Variants in PAX2 observed in about 807,000 individuals in gnomAD.
PAX2 encodes paired box 2, also known as paired box protein Pax-2.
Under a neutral mutation model 41.7 loss-of-function variants are expected in PAX2, and 9 were observed. That is an observed-to-expected ratio of 0.22 (90% CI 0.13 to 0.38). The LOEUF (loss-of-function observed/expected upper bound fraction) is 0.38. Among genes scored for constraint, PAX2 ranks in the 10% least tolerant of loss-of-function variants. The pLI is 1.00. For missense variants in PAX2, 418 were observed against 531.6 expected (o/e 0.79, Z 2.10); for synonymous variants, 221 against 212.7 (o/e 1.04, Z -0.34).
At chr10:100,759,528 G>A (rs867381681) in intron 3 of PAX2, among the ~76,000 whole-genome samples, 1 of 152,152 alleles carries the variant, frequency 6.6e-6, no homozygotes, top group African/African-American at 2.4e-5. Flanking sequence ...GCAGATTCGA[G>A]AGCCATCTCC....
rs1329614747 is a variant in PAX2 at position 100,748,880 on chromosome 10, G to C, written c.44-866G>C. ...CGAGAGTTATTAACTCGCCAGCGAGGCCTATGCCGTGCCACCTGGGCGAGA... is the reference window on the plus strand; with the variant it reads ...CGAGAGTTATTAACTCGCCAGCGAGCCCTATGCCGTGCCACCTGGGCGAGA... On this transcript the variant is annotated intron_variant, in intron 1 of 9. Coordinates refer to ENST00000355243, the MANE Select transcript of PAX2 (RefSeq NM_000278.5). The surrounding 1 kb of genome is among the most constrained non-coding windows in gnomAD (Gnocchi z 5.0). 3 of 985,304 alleles carry C rather than the reference G, an allele frequency of 3.0e-6. No individual in the cohort carries two copies. In the African/African-American group the frequency reaches 5.2e-5, roughly 17 times the overall value. The allele number at this position is 985,304 out of a possible 1,614,324, so 61.0% of individuals were successfully genotyped here.
chr10:100,764,349 A>G (rs1218354398), intron 3 of PAX2, among the ~76,000 whole-genome samples: 1 of 152,034 alleles, frequency 6.6e-6, no homozygotes, highest in Non-Finnish European at 1.5e-5. Context: ...TTCACCTGTT[A>G]GCCAGGATGG....
rs1382485114 is a variant in PAX2 at position 100,826,413 on chromosome 10, G to A, written c.1022-596G>A. Among the ~76,000 whole-genome samples, 1 of 152,212 alleles carries A rather than the reference G, an allele frequency of 6.6e-6. No individual in the cohort carries two copies. The highest frequency in any genetic ancestry group is 1.5e-5 in the Non-Finnish European group (1 of 68,030). ...ACGGGCCCTCCGCTCACCGCTAGCG[G>A]ACCAGCGGGCAGTCCACCTGCGCCG... On this transcript the variant is annotated intron_variant, in intron 8 of 9. Coordinates refer to ENST00000355243, the MANE Select transcript of PAX2 (RefSeq NM_000278.5). The surrounding 1 kb of genome is among the most constrained non-coding windows in gnomAD (Gnocchi z 5.5).
At chr10:100,753,450 A>G (rs867145680) in intron 3 of PAX2, among the ~76,000 whole-genome samples, 2 of 152,348 alleles carry the variant, frequency 1.3e-5, no homozygotes, top group South Asian at 2.1e-4. Flanking sequence ...AGTGCTGGTT[A>G]TATCAGAAAC....
At position 100,791,806 on chromosome 10, in the gene PAX2, G is replaced by T. The variant is rs999507512; in HGVS notation, c.616+10441G>T. The stretch of plus-strand genomic sequence containing the variant: ...TCACCTGCCATCTCCATCTCTTTAG[G>T]CAGAGTGCCCAGCATGAGCCCTTGG... On this transcript the variant is annotated intron_variant, in intron 5 of 9. Transcript: ENST00000355243. This position sits in a 1 kb window ranked among gnomAD's most constrained non-coding sequence, Gnocchi z 4.5. 6.6e-6 allele frequency among the ~76,000 whole-genome samples: 1 copy of T among 152,162 alleles called. No individual in the cohort carries two copies.
Position 100,778,084 on chromosome 10 carries a change from C to T in PAX2, c.411-1414C>T, listed in dbSNP as rs77071380. Among the ~76,000 whole-genome samples the T allele has an allele frequency of 4.2e-3, 642 of 152,248 alleles. 7 individuals carry two copies. The highest frequency in any genetic ancestry group is 0.016 in the East Asian group (84 of 5,168). ...TACTGGGGAAAGAGACAGTGGAGAT[C>T]CTGTAGTCCAACCCCTTCATTTAAA... On this transcript the variant is annotated intron_variant, in intron 3 of 9. Transcript: ENST00000355243.
chr10:100,795,321 A>G (rs1264430611), intron 5 of PAX2, among the ~76,000 whole-genome samples: 1 of 152,210 alleles, frequency 6.6e-6, no homozygotes, highest in African/African-American at 2.4e-5. Context: ...ACCTCAAGAA[A>G]CTTACAATCT....
intron 4 of PAX2, 94 bp downstream of exon 4, chr10:100,779,677 G>A (rs1564722692): frequency 1.0e-6 from 1 of 962,652 alleles, no homozygotes; most frequent in Non-Finnish European, 1.6e-6. Flanking sequence ...GCCCGCTTGA[G>A]GTCCAGAGCC....
intron 7 of PAX2, among the ~76,000 whole-genome samples, chr10:100,813,676 T>C (rs918822360): frequency 5.3e-5 from 8 of 152,170 alleles, no homozygotes; most frequent in Non-Finnish European, 1.2e-4. Context: ...CCATGAGACA[T>C]GGAGACGCCA....
chr10:100,819,681 G>A (rs956606749), intron 7 of PAX2, among the ~76,000 whole-genome samples: 47 of 152,202 alleles, frequency 3.1e-4, no homozygotes, highest in Admixed American at 3.0e-3. Context: ...CATATAGAAG[G>A]TGCTCAATGA....
Position 100,791,684 on chromosome 10 carries a change from G to A in PAX2, c.616+10319G>A, listed in dbSNP as rs1449491152. Among the ~76,000 whole-genome samples, 9 of 152,280 alleles carry A rather than the reference G, an allele frequency of 5.9e-5. No individual in the cohort carries two copies. The highest frequency in any genetic ancestry group is 2.2e-4 in the African/African-American group (9 of 41,564). Reference sequence around the variant, plus strand: ...TTGCTGGCTCACACAGATCTCCCTCGGCCCAGGCAGCCTGGGAAGCCTGGG... The same window carrying A: ...TTGCTGGCTCACACAGATCTCCCTCAGCCCAGGCAGCCTGGGAAGCCTGGG... On this transcript the variant is annotated intron_variant, in intron 5 of 9. Transcript: ENST00000355243. The surrounding 1 kb of genome is among the most constrained non-coding windows in gnomAD (Gnocchi z 4.5).
chr10:100,807,894 C>T (rs965734811), intron 6 of PAX2, among the ~76,000 whole-genome samples: 4 of 152,248 alleles, frequency 2.6e-5, no homozygotes, highest in East Asian at 3.8e-4. Flanking sequence ...CCTTTCTCCC[C>T]GCCCGTCCTT....
chr10:100,762,630 G>T (rs1458209616), intron 3 of PAX2, among the ~76,000 whole-genome samples: 2 of 152,144 alleles, frequency 1.3e-5, no homozygotes. Flanking sequence ...CTGAAAGATA[G>T]CTATGCTGCT....
chr10:100,783,149 G>A (rs1162577677), intron 5 of PAX2, among the ~76,000 whole-genome samples: 2 of 152,254 alleles, frequency 1.3e-5, no homozygotes, highest in East Asian at 1.9e-4. Context: ...CCAGAACAGG[G>A]CGCTCTCCTG....
At chr10:100,784,813 G>A (rs574040910) in intron 5 of PAX2, among the ~76,000 whole-genome samples, 4 of 152,304 alleles carry the variant, frequency 2.6e-5, no homozygotes, top group African/African-American at 9.6e-5. Context: ...GGAAAAACTG[G>A]CAGTGACTGT....
chr10:100,802,592 A>C (rs936581039), intron 5 of PAX2, among the ~76,000 whole-genome samples: 1 of 152,328 alleles, frequency 6.6e-6, no homozygotes, highest in East Asian at 1.9e-4. Flanking sequence ...TCAGATGGCC[A>C]GTCCCAAAAC....
rs532383208 is a variant in PAX2 at position 100,824,501 on chromosome 10, T to G, written c.920-147T>G. 121 of 719,746 alleles carry G rather than the reference T, an allele frequency of 1.7e-4. No individual in the cohort carries two copies. The highest frequency in any genetic ancestry group is 2.9e-4 in the Non-Finnish European group (113 of 394,594). 44.6% of individuals were successfully genotyped at this position (719,746 alleles called of 1,614,324 possible). On this transcript the variant is annotated intron_variant, in intron 7 of 9. Coordinates refer to ENST00000355243, the MANE Select transcript of PAX2 (RefSeq NM_000278.5). The surrounding 1 kb of genome is among the most constrained non-coding windows in gnomAD (Gnocchi z 6.6). ...GCAAAGGCACACTCAGATGGCGCATTCAGGTGCACAGTGGCACACATACCC... is the reference window on the plus strand; with the variant it reads ...GCAAAGGCACACTCAGATGGCGCATGCAGGTGCACAGTGGCACACATACCC...
intron 3 of PAX2, among the ~76,000 whole-genome samples, chr10:100,777,825 G>A (rs995893736): frequency 6.6e-6 from 1 of 152,258 alleles, no homozygotes; most frequent in African/African-American, 2.4e-5. Flanking sequence ...CATATAAATT[G>A]TGTATAATAT....
At chr10:100,749,612 C>T (rs1402640981) in intron 1 of PAX2, 134 bp from the exon 2 acceptor site, 4 of 1,459,280 alleles carry the variant, frequency 2.7e-6, no homozygotes, top group Non-Finnish European at 3.6e-6. Flanking sequence ...AGGTCCACCA[C>T]CTTTCTTCTC....
Sources: gnomAD v4.1 joint callset for allele counts (sites outside exome capture counted in the v4.1 genomes callset) on GRCh38, gnomAD v4.1.1 for gene constraint, Gnocchi (gnomAD v3.1) non-coding constraint, MANE v1.5 for transcripts, NCBI Gene and HGNC (gene_info 2026-07-23, HGNC 2026-07-21) for gene names.